The following ZMIZ1 variants were observed in gnomAD, a reference collection of about 807,000 sequenced individuals.
ZMIZ1 encodes zinc finger MIZ domain-containing protein 1.
Under a neutral mutation model 113.9 loss-of-function variants are expected in ZMIZ1, and 17 were observed. The observed-to-expected ratio is 0.15, with a 90% CI of 0.10 to 0.22. The LOEUF is 0.22. ZMIZ1 is among the 10% of genes least tolerant of loss of function. The pLI is 1.00. For synonymous variants in ZMIZ1, 607 were observed against 603.1 expected (o/e 1.01, Z -0.09); for missense variants, 1,059 against 1,477.8 (o/e 0.72, Z 4.65).
chr10:79,097,249 C>T (rs542513428), intron 1 of ZMIZ1, among the ~76,000 whole-genome samples: 11 of 152,350 alleles, frequency 7.2e-5, no homozygotes, highest in Non-Finnish European at 1.5e-4. Flanking sequence ...CTATTTCTGC[C>T]TCCCACCGGC....
chr10:79,103,919 G>A (rs1195115107), intron 1 of ZMIZ1, among the ~76,000 whole-genome samples: 1 of 152,234 alleles, frequency 6.6e-6, no homozygotes, highest in Non-Finnish European at 1.5e-5. Flanking sequence ...TGTCATTCAA[G>A]CACCATTTGC....
At chr10:79,286,888 C>T (rs1853124351) in intron 8 of ZMIZ1, among the ~76,000 whole-genome samples, 1 of 152,198 alleles carries the variant, frequency 6.6e-6, no homozygotes, top group African/African-American at 2.4e-5. Context: ...GGGTTCATTT[C>T]CTGAGCCTGG....
At chr10:79,138,213 G>A (rs1845099111) in intron 2 of ZMIZ1, among the ~76,000 whole-genome samples, 1 of 152,202 alleles carries the variant, frequency 6.6e-6, no homozygotes, top group African/African-American at 2.4e-5. Flanking sequence ...GGGAGGCAGA[G>A]GCCCAGAGGC....
At chr10:79,162,807 G>A (rs1472806860) in intron 4 of ZMIZ1, among the ~76,000 whole-genome samples, 5 of 152,110 alleles carry the variant, frequency 3.3e-5, no homozygotes, top group African/African-American at 1.2e-4. Flanking sequence ...CCACCACCCT[G>A]CTCCCCCTGA....
chr10:79,174,446 T>A (rs568085127), intron 4 of ZMIZ1, among the ~76,000 whole-genome samples: 1 of 152,312 alleles, frequency 6.6e-6, no homozygotes, highest in South Asian at 2.1e-4. Flanking sequence ...CTCCATTTGA[T>A]GGGCAGTGGG....
At chr10:79,102,351 A>T (rs1843396143) in intron 1 of ZMIZ1, among the ~76,000 whole-genome samples, 1 of 152,196 alleles carries the variant, frequency 6.6e-6, no homozygotes, top group Non-Finnish European at 1.5e-5. Context: ...CGTGACCTGA[A>T]TCTGGCTCAG....
chr10:79,154,629 TG>T (rs1222521511), intron 3 of ZMIZ1, among the ~76,000 whole-genome samples: 3 of 152,278 alleles, frequency 2.0e-5, no homozygotes, highest in East Asian at 3.9e-4. Flanking sequence ...CTATGGGGCC[TG>T]ATGAGTGGTG....
At chr10:79,147,736 C>T (rs558299970) in intron 3 of ZMIZ1, among the ~76,000 whole-genome samples, 1 of 152,314 alleles carries the variant, frequency 6.6e-6, no homozygotes, top group Non-Finnish European at 1.5e-5. Context: ...TTGCAGGGCT[C>T]AGGAAGAGCA....
intron 7 of ZMIZ1, among the ~76,000 whole-genome samples, chr10:79,253,990 G>A (rs984712168): frequency 1.3e-5 from 2 of 152,192 alleles, no homozygotes; most frequent in Non-Finnish European, 2.9e-5. Context: ...CTTAATTGTA[G>A]CTTAAATTTT....
chr10:79,259,810 C>A (rs75610395), intron 7 of ZMIZ1, among the ~76,000 whole-genome samples: 4 of 152,146 alleles, frequency 2.6e-5, no homozygotes, highest in Non-Finnish European at 5.9e-5. Flanking sequence ...CAGGGTTTCA[C>A]CATGTTGGCC....
chr10:79,236,419 G>T (rs1849591485), intron 7 of ZMIZ1, among the ~76,000 whole-genome samples: 1 of 152,166 alleles, frequency 6.6e-6, no homozygotes, highest in African/African-American at 2.4e-5. Flanking sequence ...CCAACCCTGG[G>T]GCCATTCGGA....
intron 7 of ZMIZ1, among the ~76,000 whole-genome samples, chr10:79,270,784 A>G (rs1437348677): frequency 6.6e-6 from 1 of 152,098 alleles, no homozygotes; most frequent in Non-Finnish European, 1.5e-5. Context: ...GATCTTATCT[A>G]CTAAAAGCCA....
At chr10:79,300,422 C>T (rs1854213584) in intron 16 of ZMIZ1, among the ~76,000 whole-genome samples, 2 of 152,206 alleles carry the variant, frequency 1.3e-5, no homozygotes, top group African/African-American at 4.8e-5. Flanking sequence ...ATTTGCCCCT[C>T]TGTCTCTGTC....
intron 3 of ZMIZ1, among the ~76,000 whole-genome samples, chr10:79,148,471 T>C (rs1038310108): frequency 6.6e-6 from 1 of 152,140 alleles, no homozygotes; most frequent in African/African-American, 2.4e-5. Context: ...TCAGACCTTG[T>C]CTCTGTTGTG....
chr10:79,291,556 G>T (rs1364216805), intron 10 of ZMIZ1, among the ~76,000 whole-genome samples: 1 of 152,262 alleles, frequency 6.6e-6, no homozygotes, highest in Non-Finnish European at 1.5e-5. Context: ...CAGTGAAGCA[G>T]TCTGGGAATA....
intron 7 of ZMIZ1, among the ~76,000 whole-genome samples, chr10:79,253,857 G>A (rs950777098): frequency 1.1e-4 from 17 of 151,854 alleles, no homozygotes; most frequent in Non-Finnish European, 1.9e-4. Flanking sequence ...TGCACACATG[G>A]CCCCACACAC....
At position 79,293,576 on chromosome 10, in the gene ZMIZ1, A is replaced by G. The variant is rs755609730; in HGVS notation, c.1153A>G (p.Met385Val). 1.2e-6 allele frequency: 2 copies of G among 1,612,986 alleles called. No homozygotes were observed. Among genetic ancestry groups the G allele is most frequent in the Non-Finnish European group, 1.7e-6 (2 of 1,179,968 alleles). Reference sequence around the variant, plus strand: ...CCCCTTTGGCACACACGGGCAGCGGATGCCCCAGCAGACCTACCCGGGCCC... The same window carrying G: ...CCCCTTTGGCACACACGGGCAGCGGGTGCCCCAGCAGACCTACCCGGGCCC... ...ISPFGTHGQR[M>V]PQQTYPGPRP... Residue 385 changes from methionine to valine, a missense_variant, in exon 12 of 25, where the codon ATG becomes GTG. Around this residue, in one of 6 missense-constraint regions of ZMIZ1, gnomAD observed 239 missense variants for 247.5 expected, o/e 0.97. Coordinates refer to ENST00000334512, the MANE Select transcript of ZMIZ1 (RefSeq NM_020338.4).
intron 3 of ZMIZ1, among the ~76,000 whole-genome samples, chr10:79,141,424 A>G (rs2132415401): frequency 1.3e-5 from 2 of 152,170 alleles, no homozygotes; most frequent in Middle Eastern, 6.8e-3. Context: ...TACAGTGTAA[A>G]GTACTCTTTC....
At chr10:79,233,371 T>C (rs190759528) in intron 7 of ZMIZ1, among the ~76,000 whole-genome samples, 23 of 152,350 alleles carry the variant, frequency 1.5e-4, no homozygotes, top group African/African-American at 5.3e-4. Context: ...AGAGGCAAGA[T>C]CAGGCTCTGG....
Sources: gnomAD v4.1 joint callset for allele counts (sites outside exome capture counted in the v4.1 genomes callset) on GRCh38, gnomAD v4.1.1 for gene constraint, gnomAD v4.1.1 regional missense constraint, MANE v1.5 for transcripts, NCBI Gene and HGNC (gene_info 2026-07-23, HGNC 2026-07-21) for gene names.